The following NUMA1 variants were observed in gnomAD, a reference collection of about 807,000 sequenced individuals.
The protein encoded by NUMA1 is nuclear mitotic apparatus protein 1, also known as SP-H antigen.
Under a neutral mutation model 237.1 loss-of-function variants are expected in NUMA1, and 62 were observed. The ratio of observed to expected loss-of-function variants is 0.26; its 90% CI spans 0.21 to 0.32. The LOEUF (loss-of-function observed/expected upper bound fraction) is 0.32. Among genes scored for constraint, NUMA1 ranks in the 10% least tolerant of loss-of-function variants. NUMA1 has a pLI of 1.00. For synonymous variants in NUMA1, 1,028 were observed against 1,066.1 expected (o/e 0.96, Z 0.70); for missense variants, 2,533 against 2,666.5 (o/e 0.95, Z 1.10).
At chr11:72,068,683 A>G (rs999737137) in intron 2 of NUMA1, 1 of 152,226 alleles carries the variant, frequency 6.6e-6, no homozygotes, top group Admixed American at 6.5e-5. Context: ...CCTATAAGCA[A>G]GCATATGCAC....
In NUMA1 at chr11:72,015,522, T is replaced by C. The variant is rs1316372761; in HGVS notation, c.1981A>G (p.Thr661Ala). Residue 661 changes from threonine (T) to alanine (A), a missense_variant, in exon 15 of 27, where the codon ACA (threonine) becomes GCA (alanine). By Grantham distance (58) the Thr-to-Ala change is moderately conservative (BLOSUM62 0). Transcript: ENST00000393695. This position sits in a 1 kb window ranked among gnomAD's most constrained non-coding sequence, Gnocchi z 4.0. The part of the protein sequence containing the change: ...KVEELQACVE[T>A]ARQEQHEAQA... ...GCCTCATGCTGTTCCTGGCGGGCTG[T>C]CTCAACACAGGCCTGGAGTTCCTCC... 4 of 1,613,468 alleles carry C rather than the reference T, an allele frequency of 2.5e-6. No homozygotes were observed. Among genetic ancestry groups the C allele is most frequent in the East Asian group, 2.2e-5 (1 of 44,878 alleles).
intron 2 of NUMA1, among the ~76,000 whole-genome samples, chr11:72,036,465 G>C (rs1190677207): frequency 1.3e-5 from 2 of 152,166 alleles, no homozygotes; most frequent in Non-Finnish European, 2.9e-5. Context: ...CAAATAGTAC[G>C]GTGCCTGGCA....
chr11:72,005,266 T>G lies in NUMA1; in HGVS notation c.5796A>C (p.Pro1932=). 2 of 1,605,304 alleles carry G rather than the reference T, an allele frequency of 1.2e-6. No individual in the cohort carries two copies. The highest frequency in any genetic ancestry group is 1.3e-5 in the African/African-American group (1 of 74,450). The part of the protein sequence containing the change: ...ELQQRNRVCP[P]HLKTCYPLES... ...CCAGGGGATAGCAGGTCTTCAGATG[T>G]GGGGGGCACACTCGATTGCGCTGCT... The change falls in exon 23 of 27, where the codon CCA becomes CCC. Residue 1932 remains proline (P), a synonymous_variant. Coordinates refer to ENST00000393695, the MANE Select transcript of NUMA1 (RefSeq NM_006185.4).
chr11:72,050,538 C>CTTTTTGTTT (rs1232394044), intron 2 of NUMA1: 1 of 152,178 alleles, frequency 6.6e-6, no homozygotes, highest in Non-Finnish European at 1.5e-5. Context: ...TTTGAACAAA[C>CTTTTTGTTT]TTCAGGATTT....
chr11:72,071,545 G>C lies in NUMA1; in HGVS notation c.-102-1634C>G, dbSNP rs112315756. Among the ~76,000 whole-genome samples, 289 of 152,298 alleles carry C rather than the reference G, an allele frequency of 1.9e-3. 1 individual carries two copies. Among genetic ancestry groups the C allele is most frequent in the Middle Eastern group, 3.4e-3 (1 of 294 alleles). On this transcript the variant is annotated intron_variant, in intron 1 of 26. Transcript: ENST00000393695. ...CATGCATGATCCTTCAATGAATCCT[G>C]AATTTTAAAAAACTCAATAAAAGAC...
At chr11:72,035,040 A>G (rs2135690946) in intron 3 of NUMA1, among the ~76,000 whole-genome samples, 1 of 152,152 alleles carries the variant, frequency 6.6e-6, no homozygotes, top group Middle Eastern at 3.4e-3. Context: ...AATTTTTTGT[A>G]GAGACAGGTT....
intron 2 of NUMA1, among the ~76,000 whole-genome samples, chr11:72,054,405 T>C (rs1380164793): frequency 6.6e-6 from 1 of 151,306 alleles, no homozygotes; most frequent in Non-Finnish European, 1.5e-5. Flanking sequence ...GAGGTGGAGG[T>C]TGCAGTTAGC....
At position 72,022,362 on chromosome 11, in the gene NUMA1, C is replaced by A; in HGVS notation, c.349G>T (p.Glu117Ter). The A allele has an allele frequency of 6.2e-7, 1 of 1,613,612 alleles. No homozygotes were observed. Among genetic ancestry groups the A allele is most frequent in the South Asian group, 1.1e-5 (1 of 90,996 alleles). The part of the protein sequence containing the change: ...TMSSKSPRDW[E>*]QFEYKIQAEL... ...ACCTGAATTTTATATTCAAACTGTT[C>A]CCAGTCCCTGGGACTTTTGGAGCTC... Residue 117 changes from glutamate to a stop codon, truncating the protein, a stop_gained, in exon 7 of 27, where the codon GAA becomes TAA. Coordinates refer to ENST00000393695, the MANE Select transcript of NUMA1 (RefSeq NM_006185.4). LOFTEE classifies it high-confidence loss of function.
At chr11:72,061,458 C>T (rs929081091) in intron 2 of NUMA1, among the ~76,000 whole-genome samples, 1 of 150,734 alleles carries the variant, frequency 6.6e-6, no homozygotes, top group African/African-American at 2.4e-5. Flanking sequence ...TTTCTATGCA[C>T]TACTCTTCGT....
chr11:72,044,084 G>A (rs1311222210), intron 2 of NUMA1, among the ~76,000 whole-genome samples: 1 of 152,086 alleles, frequency 6.6e-6, no homozygotes, highest in African/African-American at 2.4e-5. Context: ...AATGAAGTAG[G>A]TACCATTATC....
intron 2 of NUMA1, among the ~76,000 whole-genome samples, chr11:72,045,653 A>AT (rs551381705): frequency 1.3e-5 from 2 of 151,842 alleles, no homozygotes; most frequent in Non-Finnish European, 2.9e-5. Flanking sequence ...TAATTTTTGT[A>AT]TTTTTTTGTA....
In NUMA1 at chr11:72,046,073, C is replaced by T. The variant is rs1334477748; in HGVS notation, c.-32-10098G>A. ...AAGTTTCTGGGCCAGCTCTTCAGGA[C>T]AGCCCAAGGAGCCTGGCCAGTTTCG... On this transcript the variant is annotated intron_variant, in intron 2 of 26. Transcript: ENST00000393695. Among the ~76,000 whole-genome samples the T allele has an allele frequency of 2.6e-5, 4 of 152,316 alleles. No homozygotes were observed. The South Asian group carries it at 6.2e-4, about 24-fold the overall frequency.
chr11:72,059,816 C>T (rs889407577), intron 2 of NUMA1, among the ~76,000 whole-genome samples: 2 of 152,032 alleles, frequency 1.3e-5, no homozygotes, highest in African/African-American at 4.8e-5. Context: ...AACAGATATT[C>T]CCAAATTACC....
intron 2 of NUMA1, among the ~76,000 whole-genome samples, chr11:72,069,170 A>G (rs1177023917): frequency 6.6e-6 from 1 of 152,236 alleles, no homozygotes; most frequent in Non-Finnish European, 1.5e-5. Flanking sequence ...AATATCTGTC[A>G]CATTTGTTCA....
Position 72,016,400 on chromosome 11 carries a change from A to T in NUMA1, c.1242+8T>A. Reference sequence around the variant, plus strand: ...CAGCAGCACACAGGTCTTTCTGTGCATTCCTACCTGCAAGACATCACCCAG... The same window carrying T: ...CAGCAGCACACAGGTCTTTCTGTGCTTTCCTACCTGCAAGACATCACCCAG... On this transcript the variant is annotated splice_region_variant and intron_variant, in intron 14 of 26. Coordinates refer to ENST00000393695, the MANE Select transcript of NUMA1 (RefSeq NM_006185.4). 6.2e-7 allele frequency: 1 copy of T among 1,613,514 alleles called. No individual in the cohort carries two copies. The highest frequency in any genetic ancestry group is 8.5e-7 in the Non-Finnish European group (1 of 1,179,850).
At chr11:72,071,948 A>G (rs1430858157) in intron 1 of NUMA1, among the ~76,000 whole-genome samples, 1 of 152,196 alleles carries the variant, frequency 6.6e-6, no homozygotes, top group Non-Finnish European at 1.5e-5. Context: ...GACAGATATA[A>G]TAGGCACTCA....
chr11:72,075,724 T>C (rs551340750), intron 1 of NUMA1, among the ~76,000 whole-genome samples: 18 of 152,348 alleles, frequency 1.2e-4, no homozygotes, highest in African/African-American at 3.8e-4. Context: ...CAATCTCCTT[T>C]ATGGAGTTCA....
chr11:72,003,434 G>T lies in NUMA1; in HGVS notation c.*93C>A. 1 of 1,257,068 alleles carries T rather than the reference G, an allele frequency of 8.0e-7. No homozygotes were observed. Among genetic ancestry groups the T allele is most frequent in the Non-Finnish European group, 1.2e-6 (1 of 853,926 alleles). 77.9% of individuals were successfully genotyped at this position (1,257,068 alleles called of 1,614,324 possible). A position where few individuals can be genotyped will look rare whatever the true frequency, so the allele number is the denominator to read the frequency against. On this transcript the variant is annotated 3_prime_UTR_variant, in exon 27 of 27. Transcript: ENST00000393695. ...GGGTTTGGCTACTGTTGGCCTGGGAGCTGAGAGAAGGCACTGAGAGGGACA... is the reference window on the plus strand; with the variant it reads ...GGGTTTGGCTACTGTTGGCCTGGGATCTGAGAGAAGGCACTGAGAGGGACA...
At chr11:72,071,524 C>A (rs1356855188) in intron 1 of NUMA1, among the ~76,000 whole-genome samples, 2 of 152,182 alleles carry the variant, frequency 1.3e-5, no homozygotes, top group Non-Finnish European at 2.9e-5. Flanking sequence ...TAAATACATG[C>A]ATGATCCTTC....
Sources: allele counts gnomAD v4.1 joint callset (sites outside exome capture counted in the v4.1 genomes callset), GRCh38; gene constraint gnomAD v4.1.1; non-coding constraint Gnocchi (gnomAD v3.1); transcripts MANE v1.5; gene names NCBI Gene and HGNC (gene_info 2026-07-23, HGNC 2026-07-21).